The following GREB1 variants were observed in gnomAD, a reference collection of about 807,000 sequenced individuals.
GREB1 encodes protein GREB1.
In GREB1, 106 loss-of-function variants were observed where a neutral mutation model predicts 200.7. The ratio of observed to expected loss-of-function variants is 0.53; its 90% confidence interval spans 0.45 to 0.62. GREB1 has a LOEUF of 0.62. Ranked by LOEUF, GREB1 falls within the 20% of genes least tolerant of loss-of-function variation. GREB1 has a pLI of 0.00. For synonymous variants in GREB1, 1,132 were observed against 1,092.4 expected (o/e 1.04, Z -0.72); for missense variants, 2,243 against 2,556.8 (o/e 0.88, Z 2.65).
In GREB1 at chr2:11,580,982, CCTGAGTCCGTGGGT is replaced by C; in HGVS notation, c.901+154_901+167del. The C allele has an allele frequency of 1.0e-6, 1 of 954,218 alleles. No individual in the cohort carries two copies. Among genetic ancestry groups the C allele is most frequent in the Non-Finnish European group, 1.7e-6 (1 of 600,160 alleles). 59.1% of individuals were successfully genotyped at this position (954,218 alleles called of 1,614,324 possible). On this transcript the variant is annotated intron_variant, in intron 7 of 32. Coordinates refer to ENST00000381486, the MANE Select transcript of GREB1 (RefSeq NM_014668.4). This position sits in a 1 kb window ranked among gnomAD's most constrained non-coding sequence, Gnocchi z 4.5. The stretch of plus-strand genomic sequence containing the variant: ...AGTCAGGCCAGGACCACAGGTGCCT[CCTGAGTCCGTGGGT>C]CTGGGCCCAGGCCCTGGTGCTCTAT...
intron 2 of GREB1, among the ~76,000 whole-genome samples, chr2:11,561,993 A>G (rs1389322780): frequency 6.6e-6 from 1 of 152,076 alleles, no homozygotes; most frequent in African/African-American, 2.4e-5. Context: ...GTTTTGTAAA[A>G]TGGTCTTCAT....
upstream of GREB1, among the ~76,000 whole-genome samples, chr2:11,532,289 C>G (rs1674102528): frequency 6.6e-6 from 1 of 152,062 alleles, no homozygotes; most frequent in South Asian, 2.1e-4. Flanking sequence ...AGACAACTTC[C>G]TAGGAGCTCT....
chr2:11,587,400 C>A, intron 9 of GREB1: 1 of 1,613,666 alleles, frequency 6.2e-7, no homozygotes. Flanking sequence ...AATGGTGCTA[C>A]CCAAATGGTA....
intron 1 of GREB1, among the ~76,000 whole-genome samples, chr2:11,515,062 G>A (rs1208177326): frequency 7.2e-6 from 1 of 139,638 alleles, no homozygotes; most frequent in Non-Finnish European, 1.5e-5. Context: ...ATCCACACAT[G>A]TATCCATCCT....
At chr2:11,496,972 A>T (rs895016060) in intron 1 of GREB1, among the ~76,000 whole-genome samples, 1 of 151,814 alleles carries the variant, frequency 6.6e-6, no homozygotes, top group African/African-American at 2.4e-5. Context: ...TAAAAACATT[A>T]TTTTGGTAGA....
intron 1 of GREB1, among the ~76,000 whole-genome samples, chr2:11,499,449 A>T (rs1672971708): frequency 1.3e-5 from 2 of 152,182 alleles, no homozygotes; most frequent in South Asian, 4.1e-4. Context: ...CTTTGCCCTG[A>T]CTGTGTAAGG....
At chr2:11,564,534 G>A (rs1314793484) in intron 3 of GREB1, among the ~76,000 whole-genome samples, 1 of 152,130 alleles carries the variant, frequency 6.6e-6, no homozygotes, top group Non-Finnish European at 1.5e-5. Context: ...AATGTTAAGA[G>A]GTAGACTCTC....
At chr2:11,519,612 C>A (rs1022241445) in intron 1 of GREB1, among the ~76,000 whole-genome samples, 2 of 151,840 alleles carry the variant, frequency 1.3e-5, no homozygotes, top group Non-Finnish European at 2.9e-5. Flanking sequence ...CCTGCCATCA[C>A]GCCTGGCTAA....
chr2:11,605,225 C>CT (rs1171453389), intron 17 of GREB1, among the ~76,000 whole-genome samples: 141 of 112,402 alleles, frequency 1.3e-3, no homozygotes, highest in African/African-American at 4.3e-3. Context: ...GACCGTATAT[C>CT]TTTTTTTTTC....
rs772849745 is a variant in GREB1 at position 11,592,954 on chromosome 2, C to T, written c.1524C>T (p.Ala508=). 8 of 1,589,518 alleles carry T rather than the reference C, an allele frequency of 5.0e-6. No homozygotes were observed. Among genetic ancestry groups the T allele is most frequent in the African/African-American group, 1.3e-5 (1 of 74,424 alleles). The part of the protein sequence containing the change: ...SAQLPWLASL[A]ASSCNDSVHV... The stretch of plus-strand genomic sequence containing the variant: ...AGCTGCCCTGGCTGGCCAGCCTGGC[C>T]GCCAGCTCCTGCAACGACAGCGTGC... The change falls in exon 11 of 33, where the codon GCC becomes GCT. Residue 508 remains alanine (A), a synonymous_variant. Coordinates refer to ENST00000381486, the MANE Select transcript of GREB1 (RefSeq NM_014668.4).
chr2:11,602,488 C>T lies in GREB1; in HGVS notation c.2612C>T (p.Pro871Leu). 6.2e-7 allele frequency: 1 copy of T among 1,613,462 alleles called. No individual in the cohort carries two copies. The highest frequency in any genetic ancestry group is 8.5e-7 in the Non-Finnish European group (1 of 1,179,370). Residue 871 changes from proline (P) to leucine (L), a missense_variant, in exon 17 of 33, where the codon CCC becomes CTC. Physicochemically the swap from Pro to Leu is moderately conservative, Grantham distance 98. Transcript: ENST00000381486. ...IESTLSGHSL[P>L]LLRYDSSFEA... The stretch of plus-strand genomic sequence containing the variant: ...TCCACCCTTTCAGGACACAGCCTCC[C>T]CTTGCTCAGATACGATAGCTCCTTT...
upstream of GREB1, among the ~76,000 whole-genome samples, chr2:11,531,627 G>A (rs1674078443): frequency 2.0e-5 from 3 of 152,032 alleles, no homozygotes; most frequent in Non-Finnish European, 4.4e-5. Context: ...CTGGAGTACA[G>A]TGGCACCATC....
chr2:11,519,894 T>C (rs1572581699), intron 1 of GREB1, among the ~76,000 whole-genome samples: 1 of 152,148 alleles, frequency 6.6e-6, no homozygotes, highest in African/African-American at 2.4e-5. Context: ...CCCAGCACTT[T>C]GGGAGGCTGA....
intron 1 of GREB1, among the ~76,000 whole-genome samples, chr2:11,515,806 T>G (rs1217808976): frequency 6.6e-6 from 1 of 152,252 alleles, no homozygotes; most frequent in Non-Finnish European, 1.5e-5. Flanking sequence ...TTCTTCTTAA[T>G]TCAGTCTAGT....
At chr2:11,538,656 T>TCTTTCTTC (rs1674428395) in intron 1 of GREB1, among the ~76,000 whole-genome samples, 2 of 23,926 alleles carry the variant, frequency 8.4e-5, no homozygotes, top group Non-Finnish European at 1.8e-4. Flanking sequence ...TTTCTTTCTT[T>TCTTTCTTC]CTTTCTTTCT....
chr2:11,534,605 G>C (rs1674206217), intron 1 of GREB1, among the ~76,000 whole-genome samples: 1 of 152,186 alleles, frequency 6.6e-6, no homozygotes, highest in African/African-American at 2.4e-5. Flanking sequence ...AGTAAAGCCA[G>C]ATCAACAGGC....
intron 16 of GREB1, among the ~76,000 whole-genome samples, chr2:11,601,733 G>T (rs116508152): frequency 6.6e-6 from 1 of 152,154 alleles, no homozygotes; most frequent in East Asian, 1.9e-4. Flanking sequence ...AAAGTGCTTC[G>T]TGCTGTGAGC....
intron 4 of GREB1, among the ~76,000 whole-genome samples, chr2:11,567,505 C>G (rs777394916): frequency 6.6e-6 from 1 of 152,160 alleles, no homozygotes; most frequent in African/African-American, 2.4e-5. Flanking sequence ...GTAAAGAGGA[C>G]AGAGCCAGGA....
chr2:11,567,804 G>C (rs1677829855), intron 4 of GREB1, among the ~76,000 whole-genome samples: 1 of 152,184 alleles, frequency 6.6e-6, no homozygotes, highest in South Asian at 2.1e-4. Context: ...TAAAATCTAG[G>C]GACACCTGAG....
Sources: allele counts gnomAD v4.1 joint callset (sites outside exome capture counted in the v4.1 genomes callset), GRCh38; gene constraint gnomAD v4.1.1; non-coding constraint Gnocchi (gnomAD v3.1); transcripts MANE v1.5; gene names NCBI Gene and HGNC (gene_info 2026-07-23, HGNC 2026-07-21).